Variants in IGSF21 observed in about 807,000 individuals in gnomAD.
IGSF21 encodes immunoglobin superfamily member 21, also known as immunoglobulin superfamily member 21.
A neutral mutation model predicts 46.8 loss-of-function variants in IGSF21; 28 were observed. The ratio of observed to expected loss-of-function variants is 0.60; its 90% confidence interval spans 0.44 to 0.82. IGSF21 has a LOEUF of 0.82. Among genes scored for constraint, IGSF21 ranks in the 40% least tolerant of loss-of-function variants. IGSF21 has a pLI of 0.00. For synonymous variants in IGSF21, 284 were observed against 273.6 expected (o/e 1.04, Z -0.38); for missense variants, 624 against 665.5 (o/e 0.94, Z 0.69).
At chr1:18,371,790 T>C (rs1214488428) in intron 6 of IGSF21, among the ~76,000 whole-genome samples, 1 of 152,172 alleles carries the variant, frequency 6.6e-6, no homozygotes, top group African/African-American at 2.4e-5. Flanking sequence ...AGCAGCCTCT[T>C]CCTCCTGGTT....
In IGSF21 at chr1:18,187,033, G is replaced by C. The variant is rs79397579; in HGVS notation, c.71-40865G>C. ...AGTGGTACCATAAAGGCAAGCTCGG[G>C]CTGCTATAACAAAATACTGTAAACT... On this transcript the variant is annotated intron_variant, in intron 1 of 9. Transcript: ENST00000251296. 9.2e-5 allele frequency among the ~76,000 whole-genome samples: 14 copies of C among 152,244 alleles called. No individual in the cohort carries two copies. The East Asian group carries it at 2.5e-3, about 27-fold the overall frequency.
At chr1:18,359,338 A>AAAG (rs1557659426) in intron 4 of IGSF21, among the ~76,000 whole-genome samples, 1,292 of 34,416 alleles carry the variant, frequency 0.038, 61 homozygotes, top group Non-Finnish European at 0.048. Flanking sequence ...AAGAGAAAGA[A>AAAG]AAAGAAAGAA....
intron 1 of IGSF21, among the ~76,000 whole-genome samples, chr1:18,152,139 A>G (rs2086526625): frequency 1.3e-5 from 2 of 152,208 alleles, no homozygotes; most frequent in South Asian, 4.1e-4. Flanking sequence ...TGCCTGGTAG[A>G]TGAACGAATG....
intron 3 of IGSF21, among the ~76,000 whole-genome samples, chr1:18,319,813 T>G (rs2085583095): frequency 6.6e-6 from 1 of 152,164 alleles, no homozygotes; most frequent in Non-Finnish European, 1.5e-5. Flanking sequence ...CTCCCAGCAC[T>G]CCCTATCCCT....
chr1:18,354,394 T>C (rs2085992876), intron 4 of IGSF21, among the ~76,000 whole-genome samples: 1 of 151,148 alleles, frequency 6.6e-6, no homozygotes. Flanking sequence ...GAAACTAAGA[T>C]GTGTGGAACC....
chr1:18,233,443 C>T (rs985045783), intron 2 of IGSF21, among the ~76,000 whole-genome samples: 3 of 152,184 alleles, frequency 2.0e-5, no homozygotes, highest in African/African-American at 7.2e-5. Flanking sequence ...AGAGAGAGGA[C>T]TTGAGCATCA....
chr1:18,342,135 C>T (rs1218120850), intron 4 of IGSF21, among the ~76,000 whole-genome samples: 1 of 151,814 alleles, frequency 6.6e-6, no homozygotes, highest in African/African-American at 2.4e-5. Context: ...GCTCTGTCCC[C>T]CAGGCTGGAG....
intron 1 of IGSF21, among the ~76,000 whole-genome samples, chr1:18,197,407 G>A (rs557994275): frequency 6.6e-6 from 1 of 152,334 alleles, no homozygotes; most frequent in African/African-American, 2.4e-5. Flanking sequence ...TAAGCTGTGT[G>A]ACCTTGGATA....
intron 1 of IGSF21, among the ~76,000 whole-genome samples, chr1:18,192,912 A>T (rs2086971529): frequency 6.6e-6 from 1 of 152,110 alleles, no homozygotes; most frequent in Non-Finnish European, 1.5e-5. Flanking sequence ...TTAATTGAAT[A>T]TCTACTAAGT....
At chr1:18,266,423 T>C (rs182784333) in intron 2 of IGSF21, among the ~76,000 whole-genome samples, 1 of 152,292 alleles carries the variant, frequency 6.6e-6, no homozygotes, top group Non-Finnish European at 1.5e-5. Flanking sequence ...AATAGGCACT[T>C]TTTTCTCACA....
At chr1:18,163,378 G>A (rs2086646026) in intron 1 of IGSF21, among the ~76,000 whole-genome samples, 1 of 152,184 alleles carries the variant, frequency 6.6e-6, no homozygotes, top group Admixed American at 6.5e-5. Flanking sequence ...GGATAAAAGA[G>A]AAAGAGGTGA....
At chr1:18,329,177 T>C (rs1006985259) in intron 3 of IGSF21, among the ~76,000 whole-genome samples, 7 of 152,160 alleles carry the variant, frequency 4.6e-5, no homozygotes, top group Non-Finnish European at 7.3e-5. Flanking sequence ...GGCTCCAGCC[T>C]CCATCTGGCT....
chr1:18,242,683 A>G (rs2084743831), intron 2 of IGSF21, among the ~76,000 whole-genome samples: 7 of 152,194 alleles, frequency 4.6e-5, no homozygotes, highest in Admixed American at 1.3e-4. Flanking sequence ...TCTTTACTCT[A>G]TGAATATCAA....
Position 18,359,286 on chromosome 1 carries a change from CA to C in IGSF21, c.425-2819del, listed in dbSNP as rs754522443. On this transcript the variant is annotated intron_variant, in intron 4 of 9. Transcript: ENST00000251296. ...GAGCGAGACCCTGCCTCAAAAAACA[CA>C]AAAAAAAAAGAAAAAGAAAAGAAAG... 1.9e-3 allele frequency among the ~76,000 whole-genome samples: 157 copies of C among 84,192 alleles called. 2 individuals are homozygous for C. The highest frequency in any genetic ancestry group is 3.6e-3 in the African/African-American group (87 of 24,288). The allele number at this position is 84,192 out of a possible 152,430, so 55.2% of individuals were successfully genotyped here. A position where few individuals can be genotyped will look rare whatever the true frequency, so the allele number is the denominator to read the frequency against.
chr1:18,168,328 C>T (rs562323870), intron 1 of IGSF21, among the ~76,000 whole-genome samples: 28 of 152,282 alleles, frequency 1.8e-4, no homozygotes, highest in African/African-American at 5.8e-4. Flanking sequence ...GCTTTTATGG[C>T]TGGTACTGGG....
At chr1:18,210,920 T>G (rs749133321) in intron 1 of IGSF21, among the ~76,000 whole-genome samples, 2 of 152,138 alleles carry the variant, frequency 1.3e-5, no homozygotes, top group Non-Finnish European at 2.9e-5. Flanking sequence ...CAGGCTGGAG[T>G]GCAGTGGCGT....
chr1:18,372,561 G>C (rs1037572690), intron 6 of IGSF21, among the ~76,000 whole-genome samples: 3 of 123,398 alleles, frequency 2.4e-5, no homozygotes, highest in South Asian at 2.7e-4. Context: ...TGGATGTTTT[G>C]ATGGATGGAT....
chr1:18,124,080 G>T (rs1265279067), intron 1 of IGSF21, among the ~76,000 whole-genome samples: 2 of 152,168 alleles, frequency 1.3e-5, no homozygotes, highest in Non-Finnish European at 2.9e-5. Context: ...TTGACAAGGT[G>T]CTGCCTCCTT....
intron 1 of IGSF21, among the ~76,000 whole-genome samples, chr1:18,220,527 T>A (rs1321852235): frequency 2.6e-5 from 4 of 152,128 alleles, no homozygotes; most frequent in Non-Finnish European, 5.9e-5. Context: ...CAACACCATC[T>A]TTGATCCAGG....
Sources: gnomAD v4.1 joint callset for allele counts (sites outside exome capture counted in the v4.1 genomes callset) on GRCh38, gnomAD v4.1.1 for gene constraint, MANE v1.5 for transcripts, NCBI Gene and HGNC (gene_info 2026-07-23, HGNC 2026-07-21) for gene names.